Variants in NOVA2 observed in about 807,000 individuals in gnomAD.
NOVA2 encodes the protein NOVA alternative splicing regulator 2, also known as RNA-binding protein Nova-2.
In NOVA2, 9 loss-of-function variants were observed where a neutral mutation model predicts 22.5. The ratio of observed to expected loss-of-function variants is 0.40; its 90% CI spans 0.24 to 0.70. The LOEUF (loss-of-function observed/expected upper bound fraction) is 0.70, where lower values mean the gene tolerates loss of function less well. NOVA2 is among the 30% of genes least tolerant of loss of function. The probability of loss-of-function intolerance (pLI) is 0.38; values close to 1 mark genes in which losing one functional copy is unlikely to be tolerated. For missense variants in NOVA2, 383 were observed against 682.8 expected (o/e 0.56, Z 4.89); for synonymous variants, 318 against 335.2 (o/e 0.95, Z 0.56).
At position 45,973,320 on chromosome 19, in the gene NOVA2, C is replaced by A; in HGVS notation, c.32G>T (p.Arg11Met). 2 of 1,301,684 alleles carry A rather than the reference C, an allele frequency of 1.5e-6. No homozygotes were observed. Among genetic ancestry groups the A allele is most frequent in the South Asian group, 2.7e-5 (1 of 36,394 alleles). 80.6% of individuals were successfully genotyped at this position (1,301,684 alleles called of 1,614,324 possible). A position where few individuals can be genotyped will look rare whatever the true frequency, so the allele number is the denominator to read the frequency against. Residue 11 changes from arginine to methionine, a missense_variant, in exon 1 of 4, where the codon AGG (arginine) becomes ATG (methionine). Physicochemically the swap from Arg to Met is moderately conservative, Grantham distance 91. Coordinates refer to ENST00000263257, the MANE Select transcript of NOVA2 (RefSeq NM_002516.4). ...CACCTCGGGGGGCGTTTCGAGGGGC[C>A]TCTTGCGGGAATCCGGGGCCTCGGG... is the stretch of plus-strand genomic sequence containing the variant. MEPEAPDSRK[R>M]PLETPPEVVC...
chr19:45,963,149 G>A (rs1175918231), intron 1 of NOVA2, among the ~76,000 whole-genome samples: 1 of 151,994 alleles, frequency 6.6e-6, no homozygotes, highest in Non-Finnish European at 1.5e-5. Flanking sequence ...CGGAGGCGGA[G>A]GCGGGCAGAT....
chr19:45,942,873 C>T (rs766115853), intron 3 of NOVA2, among the ~76,000 whole-genome samples: 1 of 151,746 alleles, frequency 6.6e-6, no homozygotes, highest in Non-Finnish European at 1.5e-5. Context: ...CTCAAAAATC[C>T]TTCCCATGTC....
Position 45,953,854 on chromosome 19 carries a change from G to C in NOVA2, c.322C>G (p.Gln108Glu), listed in dbSNP as rs1300073757. Residue 108 changes from glutamine to glutamate, a missense_variant, in exon 3 of 4, where the codon CAA becomes GAA. Coordinates refer to ENST00000263257, the MANE Select transcript of NOVA2 (RefSeq NM_002516.4). ...ACCACCTCAGGCTTGGTCATCGCTT[G>C]TGGGATTTCTCGGACCTTCTCGGCA... ...FIAEKVREIP[Q>E]AMTKPEVVNI... The C allele has an allele frequency of 1.2e-6, 2 of 1,614,226 alleles. No individual in the cohort carries two copies. Among genetic ancestry groups the C allele is most frequent in the Non-Finnish European group, 1.7e-6 (2 of 1,180,040 alleles).
At position 45,935,141 on chromosome 19, in the gene NOVA2, G is replaced by A. The variant is rs1967638353; in HGVS notation, c.*4722C>T. On this transcript the variant is annotated 3_prime_UTR_variant, in exon 4 of 4. Coordinates refer to ENST00000263257, the MANE Select transcript of NOVA2 (RefSeq NM_002516.4). ...GGGGGGAGAGGTGGGGTAGGGAAAG[G>A]GGTGGGGGAGGGGGGGTTAGGCAGT... 1 of 150,488 alleles carries A rather than the reference G, an allele frequency of 6.6e-6. No individual in the cohort carries two copies. The allele number at this position is 150,488 out of a possible 1,614,324, so 9.3% of individuals were successfully genotyped here.
intron 1 of NOVA2, among the ~76,000 whole-genome samples, chr19:45,964,539 G>A (rs1968143698): frequency 8.1e-6 from 1 of 123,140 alleles, no homozygotes; most frequent in Non-Finnish European, 1.7e-5. Context: ...AGATAAAAGA[G>A]AAACTGCTCT....
intron 1 of NOVA2, among the ~76,000 whole-genome samples, chr19:45,970,105 G>A (rs1433551535): frequency 3.3e-5 from 5 of 152,256 alleles, no homozygotes; most frequent in African/African-American, 2.4e-5. Context: ...GCTGAGTGAC[G>A]TTGGGCAAGT....
rs143171072 is a variant in NOVA2, at chr19:45,963,457, G to A, written c.86-2304C>T. Among the ~76,000 whole-genome samples, 524 of 151,888 alleles carry A rather than the reference G, an allele frequency of 3.4e-3. 5 individuals carry two copies. The highest frequency in any genetic ancestry group is 0.012 in the African/African-American group (492 of 41,390). On this transcript the variant is annotated intron_variant, in intron 1 of 3. Coordinates refer to ENST00000263257, the MANE Select transcript of NOVA2 (RefSeq NM_002516.4). Reference sequence around the variant, plus strand: ...TCAGTGCATATTTTGTTCCTTAAACGTGCCCTGCTCCTTCCCACCTTAGGG... The same window carrying A: ...TCAGTGCATATTTTGTTCCTTAAACATGCCCTGCTCCTTCCCACCTTAGGG...
chr19:45,953,423 G>T (rs1967956269), intron 3 of NOVA2, among the ~76,000 whole-genome samples: 1 of 152,222 alleles, frequency 6.6e-6, no homozygotes, highest in Non-Finnish European at 1.5e-5. Flanking sequence ...GTCACTTCCG[G>T]TGATAGCAGG....
Position 45,967,178 on chromosome 19 carries a change from T to C in NOVA2, c.86-6025A>G, listed in dbSNP as rs11881378. Among the ~76,000 whole-genome samples, 549 of 152,148 alleles carry C rather than the reference T, an allele frequency of 3.6e-3. 5 individuals are homozygous for C. Among genetic ancestry groups the C allele is most frequent in the African/African-American group, 0.013 (526 of 41,534 alleles). On this transcript the variant is annotated intron_variant, in intron 1 of 3. Transcript: ENST00000263257. ...CACTTGAATTCCCAGGAGTCCCCGT[T>C]GTGAGCATCAGTCTGTGCTGGTCCT...
intron 1 of NOVA2, among the ~76,000 whole-genome samples, chr19:45,972,437 C>T (rs1968244706): frequency 6.6e-6 from 1 of 152,074 alleles, no homozygotes; most frequent in South Asian, 2.1e-4. Flanking sequence ...AGAGCCAGCC[C>T]ATTCGGTGTC....
chr19:45,959,649 C>T (rs911655841), intron 2 of NOVA2, among the ~76,000 whole-genome samples: 32 of 151,066 alleles, frequency 2.1e-4, no homozygotes, highest in Admixed American at 2.0e-3. Context: ...AAACCTCTTG[C>T]CAAAGCTGCT....
At chr19:45,950,020 C>A (rs1967900408) in intron 3 of NOVA2, among the ~76,000 whole-genome samples, 1 of 152,004 alleles carries the variant, frequency 6.6e-6, no homozygotes, top group Non-Finnish European at 1.5e-5. Context: ...AGATTACAGG[C>A]ATGAGCCACT....
chr19:45,968,704 T>G (rs1205332678), intron 1 of NOVA2, among the ~76,000 whole-genome samples: 4 of 151,938 alleles, frequency 2.6e-5, no homozygotes, highest in African/African-American at 9.7e-5. Context: ...CCCAGAGAGG[T>G]AGATCTTCCT....
intron 2 of NOVA2, among the ~76,000 whole-genome samples, chr19:45,957,939 T>C (rs1482877985): frequency 1.3e-5 from 2 of 151,248 alleles, no homozygotes; most frequent in Non-Finnish European, 2.9e-5. Context: ...TCTACTAAAA[T>C]ACAAAAACAT....
At chr19:45,944,441 AAAAAC>A (rs1379098286) in intron 3 of NOVA2, among the ~76,000 whole-genome samples, 1 of 152,150 alleles carries the variant, frequency 6.6e-6, no homozygotes, top group Non-Finnish European at 1.5e-5. Context: ...ACCCTGTTTC[AAAAAC>A]AAAACAAAAC....
chr19:45,936,282 G>C lies in NOVA2; in HGVS notation c.*3581C>G, dbSNP rs1169778404. On this transcript the variant is annotated 3_prime_UTR_variant, in exon 4 of 4. Transcript: ENST00000263257. Reference sequence around the variant, plus strand: ...TTTCCATAGATTTGCCAGGAAGTTGGCAAGTGGGATTCTCCTTGGCTGGTG... The same window carrying C: ...TTTCCATAGATTTGCCAGGAAGTTGCCAAGTGGGATTCTCCTTGGCTGGTG... 1 of 152,242 alleles carries C rather than the reference G, an allele frequency of 6.6e-6. No individual in the cohort carries two copies. Among genetic ancestry groups the C allele is most frequent in the Non-Finnish European group, 1.5e-5 (1 of 68,048 alleles). The allele number at this position is 152,242 out of a possible 1,614,324, so 9.4% of individuals were successfully genotyped here.
At chr19:45,969,885 A>G (rs1968212835) in intron 1 of NOVA2, among the ~76,000 whole-genome samples, 1 of 152,160 alleles carries the variant, frequency 6.6e-6, no homozygotes, top group Non-Finnish European at 1.5e-5. Context: ...GTGAACTGCC[A>G]CCATCTCCTC....
chr19:45,961,238 T>C, intron 1 of NOVA2, 85 bp from the exon 2 acceptor site: 1 of 832,840 alleles, frequency 1.2e-6, no homozygotes, highest in South Asian at 1.6e-5. Context: ...ACCCCAGGGG[T>C]CACAGTAGCA....
At chr19:45,951,342 C>T (rs1276033083) in intron 3 of NOVA2, among the ~76,000 whole-genome samples, 1 of 151,990 alleles carries the variant, frequency 6.6e-6, no homozygotes, top group Non-Finnish European at 1.5e-5. Context: ...AGGGGCCGGG[C>T]GCAGTGTCTC....
Sources: gnomAD v4.1 joint callset for allele counts (sites outside exome capture counted in the v4.1 genomes callset) on GRCh38, gnomAD v4.1.1 for gene constraint, MANE v1.5 for transcripts, NCBI Gene and HGNC (gene_info 2026-07-23, HGNC 2026-07-21) for gene names.